Variants in ATRNL1 observed in about 807,000 individuals in gnomAD.
The protein encoded by ATRNL1 is attractin-like protein 1.
In ATRNL1, 95 loss-of-function variants were observed where a neutral mutation model predicts 182.7. The observed-to-expected ratio is 0.52, with a 90% CI of 0.44 to 0.62. ATRNL1 has a LOEUF of 0.62. ATRNL1 is among the 20% of genes least tolerant of loss of function. The probability of loss-of-function intolerance (pLI) is 0.00; values close to 1 mark genes in which losing one functional copy is unlikely to be tolerated. For synonymous variants in ATRNL1, 576 were observed against 568.3 expected (o/e 1.01, Z -0.19); for missense variants, 1,471 against 1,679.5 (o/e 0.88, Z 2.17).
At chr10:115,497,304 T>C (rs7084207) in intron 24 of ATRNL1, among the ~76,000 whole-genome samples, 2,993 of 152,292 alleles carry the variant, frequency 0.02, 96 homozygotes, top group African/African-American at 0.066. Context: ...GGGTTTCATC[T>C]TTCTCCTGAA....
chr10:115,694,937 ACACG>A (rs1185245714), intron 26 of ATRNL1, among the ~76,000 whole-genome samples: 1 of 107,302 alleles, frequency 9.3e-6, no homozygotes, highest in East Asian at 4.1e-4. Context: ...ACACATGCAC[ACACG>A]CACACACACA....
chr10:115,851,356 T>A (rs1951051932), intron 28 of ATRNL1, among the ~76,000 whole-genome samples: 1 of 63,174 alleles, frequency 1.6e-5, no homozygotes, highest in Non-Finnish European at 3.1e-5. Flanking sequence ...GAGCAGCTAG[T>A]GATTTTTTTT....
At chr10:115,906,748 G>T (rs1243828807) in intron 28 of ATRNL1, among the ~76,000 whole-genome samples, 2 of 151,992 alleles carry the variant, frequency 1.3e-5, no homozygotes, top group African/African-American at 4.8e-5. Context: ...CTAGAGTACA[G>T]GATTATATCC....
chr10:115,776,441 A>T (rs1193956840), intron 27 of ATRNL1, among the ~76,000 whole-genome samples: 1 of 152,144 alleles, frequency 6.6e-6, no homozygotes, highest in African/African-American at 2.4e-5. Flanking sequence ...AAATTCTTTG[A>T]CACTTCTTCT....
At chr10:115,930,084 A>G (rs1319782072) in intron 28 of ATRNL1, among the ~76,000 whole-genome samples, 2 of 152,120 alleles carry the variant, frequency 1.3e-5, no homozygotes, top group South Asian at 2.1e-4. Flanking sequence ...GGCTGTAGCT[A>G]TGGTTGATAA....
intron 15 of ATRNL1, among the ~76,000 whole-genome samples, chr10:115,288,077 G>A (rs1344302436): frequency 6.6e-6 from 1 of 151,832 alleles, no homozygotes; most frequent in African/African-American, 2.4e-5. Context: ...TTTAATGACT[G>A]AATATTATCC....
At chr10:115,741,749 A>G (rs1555067714) in intron 27 of ATRNL1, among the ~76,000 whole-genome samples, 1 of 152,178 alleles carries the variant, frequency 6.6e-6, no homozygotes, top group African/African-American at 2.4e-5. Context: ...GTAACTGAAT[A>G]TAGGGATAGT....
At chr10:115,597,574 T>C in intron 26 of ATRNL1, 1 of 329,658 alleles carries the variant, frequency 3.0e-6, no homozygotes, top group Non-Finnish European at 5.8e-6. Context: ...GGAGCTTTTT[T>C]TTTTTTTTTT....
At chr10:115,388,316 A>G (rs1458033184) in intron 19 of ATRNL1, among the ~76,000 whole-genome samples, 2 of 152,126 alleles carry the variant, frequency 1.3e-5, no homozygotes, top group Non-Finnish European at 2.9e-5. Context: ...TTGCTTTGTT[A>G]TTTGTCACTG....
At chr10:115,616,548 C>T (rs1460091112) in intron 26 of ATRNL1, among the ~76,000 whole-genome samples, 2 of 152,184 alleles carry the variant, frequency 1.3e-5, no homozygotes, top group Admixed American at 6.5e-5. Flanking sequence ...TTTCAGAGAC[C>T]TTCATGGAAG....
intron 21 of ATRNL1, among the ~76,000 whole-genome samples, chr10:115,451,210 G>A (rs1359673846): frequency 1.6e-4 from 24 of 152,208 alleles, no homozygotes; most frequent in African/African-American, 5.8e-4. Flanking sequence ...AAAGGAACTG[G>A]CAAAGATTTC....
At chr10:115,169,616 T>C (rs540842420) in intron 7 of ATRNL1, among the ~76,000 whole-genome samples, 8 of 152,270 alleles carry the variant, frequency 5.3e-5, no homozygotes, top group South Asian at 4.1e-4. Context: ...CAATTTCATA[T>C]GAATTTTGGA....
intron 5 of ATRNL1, among the ~76,000 whole-genome samples, chr10:115,134,126 G>T (rs1554875951): frequency 1.3e-5 from 2 of 152,094 alleles, no homozygotes; most frequent in Non-Finnish European, 2.9e-5. Context: ...ACAATTAAAA[G>T]AACTAGAGAA....
chr10:115,634,649 T>C (rs1858743591), intron 26 of ATRNL1, among the ~76,000 whole-genome samples: 1 of 152,176 alleles, frequency 6.6e-6, no homozygotes, highest in Admixed American at 6.5e-5. Context: ...TTCTTTACTG[T>C]TTGAATGTAA....
At chr10:115,105,318 A>G (rs1226263536) in intron 1 of ATRNL1, among the ~76,000 whole-genome samples, 1 of 152,158 alleles carries the variant, frequency 6.6e-6, no homozygotes, top group Admixed American at 6.5e-5. Flanking sequence ...CTAAGCAGCA[A>G]AGCATTCAAG....
At chr10:115,307,379 C>T (rs1408170515) in intron 17 of ATRNL1, among the ~76,000 whole-genome samples, 1 of 152,170 alleles carries the variant, frequency 6.6e-6, no homozygotes, top group African/African-American at 2.4e-5. Context: ...TCTCCTGCTG[C>T]AGCCTCCTGA....
chr10:115,891,750 T>C (rs1952084347), intron 28 of ATRNL1, among the ~76,000 whole-genome samples: 1 of 152,218 alleles, frequency 6.6e-6, no homozygotes, highest in African/African-American at 2.4e-5. Context: ...AGTTTTCTTT[T>C]GTTTTACCGG....
intron 25 of ATRNL1, among the ~76,000 whole-genome samples, chr10:115,535,209 A>G (rs1341155540): frequency 2.0e-5 from 3 of 152,246 alleles, no homozygotes; most frequent in East Asian, 3.9e-4. Context: ...GTGTTTTCCA[A>G]CTTGGCTCCA....
chr10:115,348,595 A>G (rs1261064427), intron 19 of ATRNL1, among the ~76,000 whole-genome samples: 1 of 152,208 alleles, frequency 6.6e-6, no homozygotes, highest in African/African-American at 2.4e-5. Context: ...GGCTCAGTAC[A>G]TTACACATTA....
Sources: allele counts gnomAD v4.1 joint callset (sites outside exome capture counted in the v4.1 genomes callset), GRCh38; gene constraint gnomAD v4.1.1; transcripts MANE v1.5; gene names NCBI Gene and HGNC (gene_info 2026-07-23, HGNC 2026-07-21).